Variants in C11orf65 observed in about 807,000 individuals in gnomAD.
C11orf65 encodes chromosome 11 open reading frame 65, also known as protein MFI.
Under a neutral mutation model 35.3 loss-of-function variants are expected in C11orf65, and 38 were observed. The observed-to-expected ratio is 1.08, with a 90% CI of 0.83 to 1.41. The LOEUF (loss-of-function observed/expected upper bound fraction) is 1.41. Ranked by LOEUF, C11orf65 falls within the 40% of genes most tolerant of loss-of-function variation. The pLI, the probability that C11orf65 is intolerant of heterozygous loss-of-function variation, is 0.00. For synonymous variants in C11orf65, 105 were observed against 114.4 expected, an observed-to-expected ratio of 0.92 and a Z score of 0.53; for missense variants, 370 against 367.1, an observed-to-expected ratio of 1.01 and a Z score of -0.06.
intron 6 of C11orf65, among the ~76,000 whole-genome samples, chr11:108,325,730 G>C (rs758730509): frequency 2.0e-5 from 3 of 152,094 alleles, no homozygotes; most frequent in Non-Finnish European, 4.4e-5. Context: ...TTGGGCAAGG[G>C]TACTTAATCT....
At chr11:108,461,884 G>C (rs572954232) in intron 1 of C11orf65, among the ~76,000 whole-genome samples, 2 of 152,024 alleles carry the variant, frequency 1.3e-5, no homozygotes, top group East Asian at 1.9e-4. Context: ...GCCTCCCAAA[G>C]TGCTGGGATT....
chr11:108,316,237 T>C, intron 6 of C11orf65: 1 of 995,166 alleles, frequency 1.0e-6, no homozygotes. Flanking sequence ...TATCTGTTTT[T>C]CAGAGGATTA....
chr11:108,329,820 T>C (rs142349135), downstream of C11orf65, among the ~76,000 whole-genome samples: 5 of 152,358 alleles, frequency 3.3e-5, no homozygotes, highest in Non-Finnish European at 5.9e-5. Context: ...AATATAGATA[T>C]TAGCTTTCTG....
At chr11:108,461,786 C>T (rs899854055) in intron 1 of C11orf65, among the ~76,000 whole-genome samples, 1 of 152,004 alleles carries the variant, frequency 6.6e-6, no homozygotes, top group African/African-American at 2.4e-5. Context: ...CACCATCACA[C>T]CTGGCTTTCT....
At chr11:108,348,672 A>C (rs1249309074) in intron 2 of C11orf65, among the ~76,000 whole-genome samples, 1 of 152,140 alleles carries the variant, frequency 6.6e-6, no homozygotes, top group Non-Finnish European at 1.5e-5. Flanking sequence ...GCAAAAGAAC[A>C]AAAATAATTA....
chr11:108,334,864 ATTTG>A, intron 3 of C11orf65: 1 of 1,360,042 alleles, frequency 7.4e-7, no homozygotes, highest in South Asian at 1.2e-5. Context: ...TCACATCGTC[ATTTG>A]TTTCTCTGTT....
At chr11:108,332,084 C>T (rs1285902092) in intron 3 of C11orf65, 3 of 1,599,746 alleles carry the variant, frequency 1.9e-6, no homozygotes, top group Middle Eastern at 1.7e-4. Context: ...GATATTCAGT[C>T]TTTCCTAGAA....
rs191806660 is a variant in C11orf65, at chr11:108,402,951, A to C, written c.560+2478T>G. Reference sequence around the variant, plus strand: ...TGCTGCGTAGTATTCCTTTGTGTAGATATCCTACCACTTGCTTATCCATTC... The same window carrying C: ...TGCTGCGTAGTATTCCTTTGTGTAGCTATCCTACCACTTGCTTATCCATTC... On this transcript the variant is annotated intron_variant, in intron 6 of 8. Coordinates refer to ENST00000393084, the MANE Select transcript of C11orf65 (RefSeq NM_152587.5). Among the ~76,000 whole-genome samples, 107 of 152,316 alleles carry C rather than the reference A, an allele frequency of 7.0e-4. 1 individual carries two copies. The highest frequency in any genetic ancestry group is 2.4e-3 in the African/African-American group (101 of 41,560).
Position 108,353,300 on chromosome 11 carries a change from T to C in C11orf65, c.227-18008A>G, listed in dbSNP as rs141843789. Among the ~76,000 whole-genome samples, 867 of 152,108 alleles carry C rather than the reference T, an allele frequency of 5.7e-3. 1 individual carries two copies. Among genetic ancestry groups the C allele is most frequent in the Non-Finnish European group, 8.9e-3 (603 of 67,966 alleles). ...AGTAACTGGGATTATAGGCACCTGC[T>C]ACCACACCCAGCTAATTTTTGTATT... On this transcript the variant is annotated intron_variant, in intron 2 of 3. Transcript: ENST00000524755.
At chr11:108,367,710 C>T in intron 2 of C11orf65, 1 of 216,240 alleles carries the variant, frequency 4.6e-6, no homozygotes, top group Non-Finnish European at 9.3e-6. Flanking sequence ...ATTTGATCTC[C>T]TCACCTTCCC....
chr11:108,321,804 T>TTG (rs1411148582), intron 6 of C11orf65, among the ~76,000 whole-genome samples: 112 of 151,912 alleles, frequency 7.4e-4, no homozygotes, highest in African/African-American at 2.6e-3. Flanking sequence ...AAAAAAACTA[T>TTG]GTAGAGACCA....
intron 2 of C11orf65, among the ~76,000 whole-genome samples, chr11:108,345,378 TTC>T (rs765302464): frequency 9.2e-5 from 14 of 152,222 alleles, no homozygotes; most frequent in Non-Finnish European, 2.1e-4. Context: ...CTTCTGTTCT[TTC>T]TCTTTTCCTG....
intron 1 of C11orf65, among the ~76,000 whole-genome samples, chr11:108,465,392 T>C (rs2093522643): frequency 1.3e-5 from 2 of 152,224 alleles, no homozygotes; most frequent in Non-Finnish European, 2.9e-5. Context: ...TTCAAAATTA[T>C]CTGATTCAGA....
chr11:108,327,385 C>CA (rs1218164843), downstream of C11orf65: 78 of 410,156 alleles, frequency 1.9e-4, no homozygotes, highest in Admixed American at 2.8e-3. Flanking sequence ...AAAGCCTTTA[C>CA]AAAGTGTCTG....
At chr11:108,402,855 T>A (rs566430860) in intron 6 of C11orf65, among the ~76,000 whole-genome samples, 8 of 152,252 alleles carry the variant, frequency 5.3e-5, no homozygotes, top group African/African-American at 1.9e-4. Context: ...TTTTGATAGA[T>A]TTATTTCATT....
At chr11:108,387,343 CAG>C (rs1435158316) in intron 7 of C11orf65, among the ~76,000 whole-genome samples, 1 of 151,524 alleles carries the variant, frequency 6.6e-6, no homozygotes, top group East Asian at 2.0e-4. Context: ...TTAGTACAGA[CAG>C]GGTTTCACCA....
At position 108,326,154 on chromosome 11, in the gene C11orf65, A is replaced by G. The variant is rs2085658893; in HGVS notation, c.641-17083T>C. The G allele has an allele frequency of 6.2e-7, 1 of 1,614,202 alleles. No homozygotes were observed. The highest frequency in any genetic ancestry group is 1.1e-5 in the South Asian group (1 of 91,088). On this transcript the variant is annotated intron_variant, in intron 6 of 6. Transcript: ENST00000525729. The stretch of plus-strand genomic sequence containing the variant: ...GGAAGAAGCACAAGTATTCTGGGCA[A>G]AAAAGGAGCAGAGTCTTGCCCTGAG...
At chr11:108,422,412 T>G (rs1009267107) in intron 3 of C11orf65, among the ~76,000 whole-genome samples, 1 of 152,192 alleles carries the variant, frequency 6.6e-6, no homozygotes, top group Admixed American at 6.5e-5. Context: ...TTAATAGGAC[T>G]GTTATAAAGC....
At chr11:108,443,841 G>A (rs1410019269) in intron 2 of C11orf65, among the ~76,000 whole-genome samples, 1 of 152,106 alleles carries the variant, frequency 6.6e-6, no homozygotes, top group Admixed American at 6.6e-5. Flanking sequence ...GAAATTTATA[G>A]CACTAAATTA....
Sources: gnomAD v4.1 joint callset for allele counts (sites outside exome capture counted in the v4.1 genomes callset) on GRCh38, gnomAD v4.1.1 for gene constraint, MANE v1.5 for transcripts, NCBI Gene and HGNC (gene_info 2026-07-23, HGNC 2026-07-21) for gene names.